Variants in LIN28A observed in about 807,000 individuals in gnomAD.
The protein encoded by LIN28A is protein lin-28 homolog A.
A neutral mutation model predicts 21.1 loss-of-function variants in LIN28A; 11 were observed. The ratio of observed to expected loss-of-function variants is 0.52; its 90% CI spans 0.33 to 0.86. The LOEUF is 0.86. LIN28A is among the 40% of genes least tolerant of loss of function. The pLI is 0.03. For missense variants in LIN28A, 219 were observed against 279.8 expected, an observed-to-expected ratio of 0.78 and a Z score of 1.55; for synonymous variants, 111 against 108.7, an observed-to-expected ratio of 1.02 and a Z score of -0.13.
intron 2 of LIN28A, among the ~76,000 whole-genome samples, chr1:26,423,131 C>A (rs2075036804): frequency 6.6e-6 from 1 of 152,058 alleles, no homozygotes; most frequent in Non-Finnish European, 1.5e-5. Context: ...TCTGCAACCT[C>A]TGCCTCCCGG....
At position 26,410,867 on chromosome 1, in the gene LIN28A, G is replaced by T; in HGVS notation, c.-25G>T. ...CCAGCAGCCGCCCGACCAGGGGCCCGGGGCCACGGGCTCAGCCGACGACCA... is the reference window on the plus strand; with the variant it reads ...CCAGCAGCCGCCCGACCAGGGGCCCTGGGCCACGGGCTCAGCCGACGACCA... On this transcript the variant is annotated 5_prime_UTR_variant, in exon 1 of 4. Transcript: ENST00000326279. 1 of 1,611,892 alleles carries T rather than the reference G, an allele frequency of 6.2e-7. No individual in the cohort carries two copies. The highest frequency in any genetic ancestry group is 8.5e-7 in the Non-Finnish European group (1 of 1,179,132).
chr1:26,426,801 A>AT lies in LIN28A; in HGVS notation c.*343_*344insT. On this transcript the variant is annotated 3_prime_UTR_variant, in exon 4 of 4. Coordinates refer to ENST00000326279, the MANE Select transcript of LIN28A (RefSeq NM_024674.6). ...TTCCTTTTAAAGAAGGATATATAATAATTCCCATGCCAGAGTGAAATGATT... is the reference window on the plus strand; with the variant it reads ...TTCCTTTTAAAGAAGGATATATAATATATTCCCATGCCAGAGTGAAATGATT... 2 of 269,268 alleles carry AT rather than the reference A, an allele frequency of 7.4e-6. No homozygotes were observed. Among genetic ancestry groups the AT allele is most frequent in the South Asian group, 4.4e-5 (1 of 22,572 alleles). The allele number at this position is 269,268 out of a possible 1,614,324, so 16.7% of individuals were successfully genotyped here.
At chr1:26,423,567 G>A (rs2075040849) in intron 2 of LIN28A, among the ~76,000 whole-genome samples, 1 of 151,222 alleles carries the variant, frequency 6.6e-6, no homozygotes. Flanking sequence ...CCACCACCAC[G>A]CCTGGCTAAT....
chr1:26,413,111 A>G (rs2074971158), intron 2 of LIN28A, among the ~76,000 whole-genome samples: 1 of 152,186 alleles, frequency 6.6e-6, no homozygotes, highest in Admixed American at 6.5e-5. Flanking sequence ...ACTTTATTAC[A>G]GGAACCAGCT....
rs2075061331 is a variant in LIN28A at position 26,426,626 on chromosome 1, G to A, written c.*168G>A. 4 of 619,456 alleles carry A rather than the reference G, an allele frequency of 6.5e-6. No homozygotes were observed. The highest frequency in any genetic ancestry group is 5.8e-6 in the Non-Finnish European group (2 of 344,276). 38.4% of individuals were successfully genotyped at this position (619,456 alleles called of 1,614,324 possible). On this transcript the variant is annotated 3_prime_UTR_variant, in exon 4 of 4. Transcript: ENST00000326279. Reference sequence around the variant, plus strand: ...CCCTCTAGGTGGGGGGAAAGGGTGAGTCAAAGGAACTCCAACCATGCTCTG... The same window carrying A: ...CCCTCTAGGTGGGGGGAAAGGGTGAATCAAAGGAACTCCAACCATGCTCTG...
intron 2 of LIN28A, among the ~76,000 whole-genome samples, chr1:26,417,519 T>C (rs1020611276): frequency 6.6e-5 from 10 of 152,212 alleles, no homozygotes; most frequent in African/African-American, 2.2e-4. Context: ...TTTTCAATTA[T>C]ATATGTGACT....
chr1:26,414,688 GACTTCAGC>G (rs1280728996), intron 2 of LIN28A, among the ~76,000 whole-genome samples: 1 of 152,154 alleles, frequency 6.6e-6, no homozygotes, highest in Non-Finnish European at 1.5e-5. Context: ...AGAGTTTCTC[GACTTCAGC>G]ACTATTGACA....
rs1266666491 is a variant in LIN28A at position 26,429,081 on chromosome 1, G to A, written c.*2623G>A. On this transcript the variant is annotated 3_prime_UTR_variant, in exon 4 of 4. Coordinates refer to ENST00000326279, the MANE Select transcript of LIN28A (RefSeq NM_024674.6). ...TTCAGGAGGCTGAGGCAGGGGAATCGCTTGAACCCGAGAGGCAGAGGTTGC... is the reference window on the plus strand; with the variant it reads ...TTCAGGAGGCTGAGGCAGGGGAATCACTTGAACCCGAGAGGCAGAGGTTGC... The A allele has an allele frequency of 3.3e-5, 5 of 153,568 alleles. No individual in the cohort carries two copies. Among genetic ancestry groups the A allele is most frequent in the African/African-American group, 4.8e-5 (2 of 41,464 alleles). 9.5% of individuals were successfully genotyped at this position (153,568 alleles called of 1,614,324 possible). A position where few individuals can be genotyped will look rare whatever the true frequency, so the allele number is the denominator to read the frequency against.
chr1:26,423,323 G>A (rs963139488), intron 2 of LIN28A, among the ~76,000 whole-genome samples: 4 of 151,046 alleles, frequency 2.6e-5, no homozygotes, highest in African/African-American at 9.7e-5. Flanking sequence ...ATTACAGACA[G>A]GCATGAGCCA....
chr1:26,417,990 G>T (rs983331051), intron 2 of LIN28A, among the ~76,000 whole-genome samples: 13 of 151,234 alleles, frequency 8.6e-5, no homozygotes, highest in East Asian at 1.9e-4. Flanking sequence ...GGACACTTAG[G>T]TTCCTTTGTG....
Position 26,424,041 on chromosome 1 carries a change from G to A in LIN28A, c.229-1262G>A, listed in dbSNP as rs373808362. Reference sequence around the variant, plus strand: ...CTCCCAAAGTGCTGGGATTACAGGCGTGAGGCAGCGCACCCGGCCTTTTTT... The same window carrying A: ...CTCCCAAAGTGCTGGGATTACAGGCATGAGGCAGCGCACCCGGCCTTTTTT... On this transcript the variant is annotated intron_variant, in intron 2 of 3. Transcript: ENST00000326279. Among the ~76,000 whole-genome samples, 515 of 151,826 alleles carry A rather than the reference G, an allele frequency of 3.4e-3. 32 individuals carry two copies. In the South Asian group the frequency reaches 0.1, roughly 31 times the overall value.
rs958984527 is a variant in LIN28A, at chr1:26,411,761, G to A, written c.228+179G>A. Among the ~76,000 whole-genome samples, 4 of 152,202 alleles carry A rather than the reference G, an allele frequency of 2.6e-5. No individual in the cohort carries two copies. Among genetic ancestry groups the A allele is most frequent in the Non-Finnish European group, 5.9e-5 (4 of 68,034 alleles). On this transcript the variant is annotated intron_variant, in intron 2 of 3. Transcript: ENST00000326279. This position sits in a 1 kb window ranked among gnomAD's most constrained non-coding sequence, Gnocchi z 5.4. ...TAACTATCTCGTGGGGGAGTAGTGG[G>A]AGGCAGCACCAATTATCAGCACCCC...
intron 2 of LIN28A, among the ~76,000 whole-genome samples, chr1:26,423,851 C>T (rs1324685776): frequency 6.6e-6 from 1 of 152,016 alleles, no homozygotes; most frequent in Non-Finnish European, 1.5e-5. Flanking sequence ...CAAGCTCTGC[C>T]TCCCAGGTTC....
chr1:26,415,986 TTTTTTA>T (rs1009598969), intron 2 of LIN28A, among the ~76,000 whole-genome samples: 14 of 152,090 alleles, frequency 9.2e-5, no homozygotes, highest in African/African-American at 3.1e-4. Flanking sequence ...ACAATGTCTT[TTTTTTA>T]TTTTTATTTT....
intron 2 of LIN28A, among the ~76,000 whole-genome samples, chr1:26,416,020 T>G (rs1439810216): frequency 6.6e-6 from 1 of 151,996 alleles, no homozygotes; most frequent in Non-Finnish European, 1.5e-5. Flanking sequence ...TGAGATAGAG[T>G]CTTGCTCTGT....
chr1:26,420,764 T>G (rs1329958386), intron 2 of LIN28A, among the ~76,000 whole-genome samples: 1 of 152,170 alleles, frequency 6.6e-6, no homozygotes, highest in Admixed American at 6.6e-5. Context: ...ACTAGGTAAG[T>G]GCACAGTGAT....
Position 26,411,678 on chromosome 1 carries a change from G to A in LIN28A, c.228+96G>A, listed in dbSNP as rs1164947703. The A allele has an allele frequency of 7.0e-6, 9 of 1,277,496 alleles. No homozygotes were observed. Among genetic ancestry groups the A allele is most frequent in the Non-Finnish European group, 8.9e-6 (8 of 902,686 alleles). 79.1% of individuals were successfully genotyped at this position (1,277,496 alleles called of 1,614,324 possible). On this transcript the variant is annotated intron_variant, in intron 2 of 3. Transcript: ENST00000326279. The surrounding 1 kb of genome is among the most constrained non-coding windows in gnomAD (Gnocchi z 5.4). ...GCTCGCAGTTGAATTGAGGGCCATC[G>A]GGAGCCCTCATTATGCATCCCTGTC...
At chr1:26,418,495 G>A (rs567640329) in intron 2 of LIN28A, among the ~76,000 whole-genome samples, 33 of 151,586 alleles carry the variant, frequency 2.2e-4, no homozygotes, top group Admixed American at 3.9e-4. Flanking sequence ...GCAGTGAGCC[G>A]AGATTGTGCC....
chr1:26,411,936 G>A lies in LIN28A; in HGVS notation c.228+354G>A, dbSNP rs1403725612. Among the ~76,000 whole-genome samples, 2 of 152,210 alleles carry A rather than the reference G, an allele frequency of 1.3e-5. No homozygotes were observed. The highest frequency in any genetic ancestry group is 2.9e-5 in the Non-Finnish European group (2 of 68,038). ...GGGGGAGGGCGAGCAGGCCGGCCAGGGAAGCACATGCCGGGCCTAAGCCGG... is the reference window on the plus strand; with the variant it reads ...GGGGGAGGGCGAGCAGGCCGGCCAGAGAAGCACATGCCGGGCCTAAGCCGG... On this transcript the variant is annotated intron_variant, in intron 2 of 3. Transcript: ENST00000326279. The surrounding 1 kb of genome is among the most constrained non-coding windows in gnomAD (Gnocchi z 5.4).
Sources: gnomAD v4.1 joint callset for allele counts (sites outside exome capture counted in the v4.1 genomes callset) on GRCh38, gnomAD v4.1.1 for gene constraint, Gnocchi (gnomAD v3.1) non-coding constraint, MANE v1.5 for transcripts, NCBI Gene and HGNC (gene_info 2026-07-23, HGNC 2026-07-21) for gene names.